The following NUDT12 variants were observed in gnomAD, a reference collection of about 807,000 sequenced individuals.
NUDT12 encodes nudix hydrolase 12.
A neutral mutation model predicts 45.7 loss-of-function variants in NUDT12; 42 were observed. The ratio of observed to expected loss-of-function variants is 0.92; its 90% CI spans 0.72 to 1.19. The LOEUF (loss-of-function observed/expected upper bound fraction) is 1.19. NUDT12 is among the 50% of genes most tolerant of loss of function. The pLI, the probability that NUDT12 is intolerant of heterozygous loss-of-function variation, is 0.00. For missense variants in NUDT12, 590 were observed against 533.1 expected, an observed-to-expected ratio of 1.11 and a Z score of -1.05; for synonymous variants, 206 against 179.7, an observed-to-expected ratio of 1.15 and a Z score of -1.17.
At chr5:103,558,196 A>G (rs1168837701) in intron 3 of NUDT12, among the ~76,000 whole-genome samples, 1 of 152,060 alleles carries the variant, frequency 6.6e-6, no homozygotes, top group Non-Finnish European at 1.5e-5. Context: ...TACTATCAGT[A>G]CCTTAATTCA....
intron 4 of NUDT12, 32 bp from the exon 5 acceptor site, chr5:103,554,885 G>T: frequency 2.1e-6 from 2 of 956,582 alleles, no homozygotes; most frequent in Non-Finnish European, 3.2e-6. Context: ...TACATGAATG[G>T]CAGGAAAAAC....
chr5:103,555,800 T>C (rs1748796129), intron 4 of NUDT12, 131 bp downstream of exon 4: 1 of 553,706 alleles, frequency 1.8e-6, no homozygotes, highest in Non-Finnish European at 2.9e-6. Flanking sequence ...TGTAACACTT[T>C]AACACATTCT....
chr5:103,550,169 A>T lies in NUDT12; in HGVS notation c.*692T>A, dbSNP rs990012559. 6.6e-6 allele frequency: 1 copy of T among 152,128 alleles called. No homozygotes were observed. The highest frequency in any genetic ancestry group is 2.4e-5 in the African/African-American group (1 of 41,434). The allele number at this position is 152,128 out of a possible 1,614,324, so 9.4% of individuals were successfully genotyped here. ...GATATGTTAATTAATTTTAGGTCTAAAAGAGAGGTCCCAGATATAATAGTA... is the reference window on the plus strand; with the variant it reads ...GATATGTTAATTAATTTTAGGTCTATAAGAGAGGTCCCAGATATAATAGTA... On this transcript the variant is annotated 3_prime_UTR_variant, in exon 7 of 7. Transcript: ENST00000230792.
At chr5:103,558,594 C>G (rs911167740) in intron 3 of NUDT12, among the ~76,000 whole-genome samples, 1 of 152,124 alleles carries the variant, frequency 6.6e-6, no homozygotes, top group Non-Finnish European at 1.5e-5. Flanking sequence ...TCTTTGCCAT[C>G]ATGTTCTACG....
intron 3 of NUDT12, among the ~76,000 whole-genome samples, chr5:103,556,400 T>G (rs1316624054): frequency 6.6e-6 from 1 of 152,068 alleles, no homozygotes; most frequent in Non-Finnish European, 1.5e-5. Flanking sequence ...GGGGTATTCA[T>G]GATTCTAGTG....
At position 103,559,361 on chromosome 5, in the gene NUDT12, T is replaced by C; in HGVS notation, c.314A>G (p.Lys105Arg). 1 of 1,613,634 alleles carries C rather than the reference T, an allele frequency of 6.2e-7. No homozygotes were observed. The change falls in exon 3 of 7, where the codon AAG becomes AGG. Residue 105 changes from lysine to arginine, a missense_variant. Lys to Arg is a conservative substitution (Grantham distance 26). Coordinates refer to ENST00000230792, the MANE Select transcript of NUDT12 (RefSeq NM_031438.4). The part of the protein sequence containing the change: ...ANLLATAKGG[K>R]KPWFLTNEVE... ...TTCATTCGTTAGGAACCAAGGCTTC[T>C]TCCCACCTTTAGCAGTAGCTAGTAA...
chr5:103,556,422 T>G (rs960529230), intron 3 of NUDT12, among the ~76,000 whole-genome samples: 3 of 152,054 alleles, frequency 2.0e-5, no homozygotes, highest in Non-Finnish European at 4.4e-5. Context: ...AGAGTAAGTT[T>G]ACAAACAGTG....
In NUDT12 at chr5:103,560,257, TAAAAG is replaced by T. The variant is rs762181653; in HGVS notation, c.-6-8_-6-4del. The stretch of plus-strand genomic sequence containing the variant: ...CTTTTTACAGAAGACATTTCTTCCT[TAAAAG>T]AAGGAAAATCAGGGGAAAAAGCTTA... On this transcript the variant is annotated splice_polypyrimidine_tract_variant and splice_region_variant and intron_variant, in intron 1 of 6. Coordinates refer to ENST00000230792, the MANE Select transcript of NUDT12 (RefSeq NM_031438.4). The T allele has an allele frequency of 1.6e-5, 26 of 1,597,638 alleles. No homozygotes were observed. Among genetic ancestry groups the T allele is most frequent in the Admixed American group, 3.3e-5 (2 of 59,810 alleles).
intron 3 of NUDT12, among the ~76,000 whole-genome samples, chr5:103,557,129 A>G (rs1439917717): frequency 6.6e-6 from 1 of 151,526 alleles, no homozygotes; most frequent in Non-Finnish European, 1.5e-5. Flanking sequence ...AGATACTATT[A>G]TTATCATTTT....
Position 103,559,179 on chromosome 5 carries a change from T to C in NUDT12, c.496A>G (p.Lys166Glu). ...LNPLVTLGGN[K>E]ESFQQPEVRL... ...ACTTCTGGCTGTTGGAAACTTTCTT[T>C]ATTGCCACCTAGAGTAACCAAGGGA... is the stretch of plus-strand genomic sequence containing the variant. Residue 166 changes from lysine to glutamate, a missense_variant, in exon 3 of 7, where the codon AAA becomes GAA. Coordinates refer to ENST00000230792, the MANE Select transcript of NUDT12 (RefSeq NM_031438.4). The C allele has an allele frequency of 6.4e-7, 1 of 1,555,910 alleles. No individual in the cohort carries two copies. The highest frequency in any genetic ancestry group is 8.7e-7 in the Non-Finnish European group (1 of 1,155,154).
rs1186056340 is a variant in NUDT12, at chr5:103,558,883, T to G, written c.792A>C (p.Glu264Asp). 2 of 1,555,484 alleles carry G rather than the reference T, an allele frequency of 1.3e-6. No homozygotes were observed. Residue 264 changes from glutamate (E) to aspartate (D), a missense_variant, in exon 3 of 7, where the codon GAA becomes GAC. By Grantham distance (45) the Glu-to-Asp change is conservative (BLOSUM62 2). Coordinates refer to ENST00000230792, the MANE Select transcript of NUDT12 (RefSeq NM_031438.4). The part of the protein sequence containing the change: ...MPALLQLKEK[E>D]AGVVAQARSV... ...AAAGCAGCATTCATTTCTTACCAGC[T>G]TCTTTTTCTTTCAATTGCAGAAGGG...
chr5:103,553,704 T>G (rs1381925831), intron 5 of NUDT12, among the ~76,000 whole-genome samples: 2 of 152,046 alleles, frequency 1.3e-5, no homozygotes, highest in Admixed American at 1.3e-4. Flanking sequence ...TAATAAGAAC[T>G]TTAAAATAAA....
In NUDT12 at chr5:103,551,324, G is replaced by A. The variant is rs1014913781; in HGVS notation, c.1279-353C>T. The stretch of plus-strand genomic sequence containing the variant: ...AGACAGGGTCTCCCTATGTTGCCCA[G>A]GCTAGTCTCAAACTCCTGGGCTCAA... On this transcript the variant is annotated intron_variant, in intron 6 of 6. Coordinates refer to ENST00000230792, the MANE Select transcript of NUDT12 (RefSeq NM_031438.4). Among the ~76,000 whole-genome samples the A allele has an allele frequency of 3.9e-5, 6 of 152,098 alleles. No homozygotes were observed. In the East Asian group the frequency reaches 1.2e-3, roughly 30 times the overall value.
rs934079432 is a variant in NUDT12, at chr5:103,549,313, T to C, written c.*1548A>G. On this transcript the variant is annotated 3_prime_UTR_variant, in exon 7 of 7. Coordinates refer to ENST00000230792, the MANE Select transcript of NUDT12 (RefSeq NM_031438.4). ...GTTTTAATTTGGTTTAAATTCTTGATACCAATAAGCCTTCATCAATTCCTA... is the reference window on the plus strand; with the variant it reads ...GTTTTAATTTGGTTTAAATTCTTGACACCAATAAGCCTTCATCAATTCCTA... 1 of 152,042 alleles carries C rather than the reference T, an allele frequency of 6.6e-6. No individual in the cohort carries two copies. Among genetic ancestry groups the C allele is most frequent in the African/African-American group, 2.4e-5 (1 of 41,458 alleles). 9.4% of individuals were successfully genotyped at this position (152,042 alleles called of 1,614,324 possible).
rs773007353 is a variant in NUDT12, at chr5:103,559,329, C to A, written c.346G>T (p.Glu116Ter). The A allele has an allele frequency of 1.2e-6, 2 of 1,613,362 alleles. No homozygotes were observed. The highest frequency in any genetic ancestry group is 2.2e-5 in the South Asian group (2 of 90,880). ...KPWFLTNEVEECENYFSKTLL... is the reference protein window; with the variant it reads ...KPWFLTNEVE ...GTTTTGCTAAAATAATTTTCACATT[C>A]TTCCACTTCATTCGTTAGGAACCAA... Residue 116 changes from glutamate (E) to a stop codon, truncating the protein, a stop_gained, in exon 3 of 7, where the codon GAA becomes TAA. Transcript: ENST00000230792. LOFTEE classifies it high-confidence loss of function.
At position 103,552,375 on chromosome 5, in the gene NUDT12, C is replaced by T; in HGVS notation, c.1120G>A (p.Glu374Lys). Reference sequence around the variant, plus strand: ...ACATGGCCAACTTTGACTCCACTTTCCTCTTCTACTTCTCTCCTAACAGCA... The same window carrying T: ...ACATGGCCAACTTTGACTCCACTTTTCTCTTCTACTTCTCTCCTAACAGCA... ...EDAVRREVEEESGVKVGHVQY... is the reference protein window; with the variant it reads ...EDAVRREVEEKSGVKVGHVQY... The change falls in exon 6 of 7, where the codon GAA becomes AAA. Residue 374 changes from glutamate to lysine, a missense_variant. Transcript: ENST00000230792. The T allele has an allele frequency of 6.2e-7, 1 of 1,613,946 alleles. No individual in the cohort carries two copies. The highest frequency in any genetic ancestry group is 8.5e-7 in the Non-Finnish European group (1 of 1,179,904).
intron 2 of NUDT12, 59 bp downstream of exon 2, chr5:103,559,984 T>C: frequency 8.3e-7 from 1 of 1,203,264 alleles, no homozygotes; most frequent in African/African-American, 1.5e-5. Context: ...TTAAAGTAAA[T>C]ATGTAACAAA....
chr5:103,557,280 G>GGTATATATATATATATATATATAT (rs1491335747), intron 3 of NUDT12, among the ~76,000 whole-genome samples: 1,663 of 118,660 alleles, frequency 0.014, 195 homozygotes, highest in South Asian at 0.02. Flanking sequence ...ATCTTAAAAT[G>GGTATATATATATATATATATATAT]ATATATATAT....
At chr5:103,554,287 C>T (rs952089090) in intron 5 of NUDT12, among the ~76,000 whole-genome samples, 1 of 151,942 alleles carries the variant, frequency 6.6e-6, no homozygotes, top group African/African-American at 2.4e-5. Flanking sequence ...TTAGTAAGTA[C>T]ATATATACAT....
Sources: gnomAD v4.1 joint callset for allele counts (sites outside exome capture counted in the v4.1 genomes callset) on GRCh38, gnomAD v4.1.1 for gene constraint, MANE v1.5 for transcripts, NCBI Gene and HGNC (gene_info 2026-07-23, HGNC 2026-07-21) for gene names.